SCNN1B: variants seen among roughly 807,000 people sequenced by gnomAD.
SCNN1B encodes sodium channel epithelial 1 subunit beta, also known as epithelial sodium channel subunit beta.
Under a neutral mutation model 65.3 loss-of-function variants are expected in SCNN1B, and 46 were observed. That is an observed-to-expected ratio of 0.70 (90% CI 0.56 to 0.90). The LOEUF (loss-of-function observed/expected upper bound fraction) is 0.90, where lower values mean the gene tolerates loss of function less well. SCNN1B is among the 40% of genes least tolerant of loss of function. The pLI, the probability that SCNN1B is intolerant of heterozygous loss-of-function variation, is 0.00. For synonymous variants in SCNN1B, 349 were observed against 330.6 expected (o/e 1.06, Z -0.60); for missense variants, 751 against 830.5 (o/e 0.90, Z 1.18).
Position 23,371,292 on chromosome 16 carries a change from C to G in SCNN1B, c.881-7C>G. Reference sequence around the variant, plus strand: ...TTCAGGCAGCCCTCACCCCACCCTCCCCACAGGCCTGAAGTTGATCCTGGA... The same window carrying G: ...TTCAGGCAGCCCTCACCCCACCCTCGCCACAGGCCTGAAGTTGATCCTGGA... On this transcript the variant is annotated splice_region_variant and splice_polypyrimidine_tract_variant and intron_variant, in intron 5 of 12. Transcript: ENST00000343070. The G allele has an allele frequency of 6.2e-7, 1 of 1,613,964 alleles. No individual in the cohort carries two copies. Among genetic ancestry groups the G allele is most frequent in the Non-Finnish European group, 8.5e-7 (1 of 1,179,990 alleles).
intron 1 of SCNN1B, among the ~76,000 whole-genome samples, chr16:23,320,024 G>A (rs1961555253): frequency 6.6e-6 from 1 of 152,190 alleles, no homozygotes; most frequent in Non-Finnish European, 1.5e-5. Flanking sequence ...TCAGATTACA[G>A]GCGTGAGCCA....
chr16:23,377,334 C>G lies in SCNN1B; in HGVS notation c.1352C>G (p.Thr451Ser), dbSNP rs1373404045. ...GGCCTGGCCTTCTCTTTCAGTGACA[C>G]CCAGTACAAGATGACCATCTCCATG... ...IGMCKESCND[T>S]QYKMTISMAD... The change falls in exon 10 of 13, where the codon ACC becomes AGC. Residue 451 changes from threonine to serine, a missense_variant. Thr to Ser is a moderately conservative substitution (Grantham distance 58, BLOSUM62 1). Transcript: ENST00000343070. 6.2e-7 allele frequency: 1 copy of G among 1,614,172 alleles called. No homozygotes were observed.
rs2142049956 is a variant in SCNN1B at position 23,380,213 on chromosome 16, G to A, written c.1542+44G>A. The A allele has an allele frequency of 1.3e-6, 2 of 1,558,336 alleles. No homozygotes were observed. Among genetic ancestry groups the A allele is most frequent in the Non-Finnish European group, 1.8e-6 (2 of 1,129,276 alleles). On this transcript the variant is annotated intron_variant, in intron 12 of 12. Transcript: ENST00000343070. This position sits in a 1 kb window ranked among gnomAD's most constrained non-coding sequence, Gnocchi z 5.4. ...CAATACCCCAGCCCTGCCCTGCCCT[G>A]ACCCCTGCACCCTGAGGGTGGGGGA...
At chr16:23,347,854 A>G (rs2142015541) in intron 1 of SCNN1B, among the ~76,000 whole-genome samples, 1 of 152,400 alleles carries the variant, frequency 6.6e-6, no homozygotes, top group African/African-American at 2.4e-5. Context: ...GATTGCAGTG[A>G]GCCATGACTG....
At chr16:23,362,750 C>T (rs948262192) in intron 4 of SCNN1B, among the ~76,000 whole-genome samples, 14 of 152,262 alleles carry the variant, frequency 9.2e-5, no homozygotes, top group Non-Finnish European at 1.5e-4. Context: ...CAGCCTCCTG[C>T]TCCTGGGCTG....
upstream of SCNN1B, among the ~76,000 whole-genome samples, chr16:23,297,877 T>A (rs1364543398): frequency 6.6e-6 from 1 of 152,144 alleles, no homozygotes; most frequent in Non-Finnish European, 1.5e-5. Flanking sequence ...TGCAGTTACC[T>A]GAAGTAGAAT....
rs767645694 is a variant in SCNN1B at position 23,371,337 on chromosome 16, G to A, written c.919G>A (p.Val307Ile). The A allele has an allele frequency of 3.1e-6, 5 of 1,614,012 alleles. No individual in the cohort carries two copies. Among genetic ancestry groups the A allele is most frequent in the Admixed American group, 1.7e-5 (1 of 59,998 alleles). Residue 307 changes from valine (V) to isoleucine (I), a missense_variant, in exon 6 of 13, where the codon GTC becomes ATC. Val to Ile is a conservative substitution (Grantham distance 29, BLOSUM62 3). Transcript: ENST00000343070. ...CCTGGACATAGGCCAGGAAGACTAC[G>A]TCCCCTTCCTTGCGTCCACGGCCGG... is the stretch of plus-strand genomic sequence containing the variant. Reference protein sequence around the residue: ...LILDIGQEDYVPFLASTAGVR... With the variant: ...LILDIGQEDYIPFLASTAGVR...
chr16:23,370,504 G>GTACGT (rs1016922931), intron 5 of SCNN1B, among the ~76,000 whole-genome samples: 7 of 152,282 alleles, frequency 4.6e-5, no homozygotes, highest in Non-Finnish European at 7.3e-5. Context: ...TCAACTCCAC[G>GTACGT]TAGCTCAGGA....
At chr16:23,319,888 C>T (rs553608440) in intron 1 of SCNN1B, among the ~76,000 whole-genome samples, 56 of 152,320 alleles carry the variant, frequency 3.7e-4, no homozygotes, top group Non-Finnish European at 6.5e-4. Context: ...CTGCCTCAGC[C>T]TTCTGAGTAG....
At chr16:23,328,137 A>G (rs924805290) in intron 1 of SCNN1B, among the ~76,000 whole-genome samples, 2 of 152,206 alleles carry the variant, frequency 1.3e-5, no homozygotes, top group African/African-American at 4.8e-5. Flanking sequence ...CAAGACAAGA[A>G]AGGATCTTTG....
At chr16:23,315,026 A>T (rs72774352) in intron 1 of SCNN1B, among the ~76,000 whole-genome samples, 30,006 of 152,206 alleles carry the variant, frequency 0.2, 3,346 homozygotes, top group Middle Eastern at 0.33. Context: ...AGCAGGAAAC[A>T]GAAGGGGCTA....
chr16:23,330,473 C>T (rs983043579), intron 1 of SCNN1B, among the ~76,000 whole-genome samples: 2 of 152,152 alleles, frequency 1.3e-5, no homozygotes, highest in African/African-American at 2.4e-5. Flanking sequence ...TTTCCCCCAG[C>T]GCCTTGCTTT....
intron 1 of SCNN1B, among the ~76,000 whole-genome samples, chr16:23,335,865 G>A (rs1428164496): frequency 6.6e-6 from 1 of 151,936 alleles, no homozygotes; most frequent in East Asian, 1.9e-4. Context: ...GCTCAAATAA[G>A]ACCTGTATCT....
intron 1 of SCNN1B, among the ~76,000 whole-genome samples, chr16:23,303,469 G>A (rs781561382): frequency 1.3e-5 from 2 of 152,222 alleles, no homozygotes; most frequent in Non-Finnish European, 2.9e-5. Flanking sequence ...GCAGAACACA[G>A]GGATCCATTC....
At chr16:23,349,088 C>T (rs555667137) in intron 2 of SCNN1B, among the ~76,000 whole-genome samples, 178 bp downstream of exon 2, 1 of 151,324 alleles carries the variant, frequency 6.6e-6, no homozygotes, top group South Asian at 2.1e-4. Context: ...CTTCTTCTTC[C>T]CTTTCTTTTT....
upstream of SCNN1B, among the ~76,000 whole-genome samples, chr16:23,299,036 T>C (rs538788447): frequency 1.3e-4 from 20 of 152,150 alleles, no homozygotes; most frequent in African/African-American, 3.6e-4. Flanking sequence ...TGTTCTTTTT[T>C]TTGCTTTTTG....
intron 2 of SCNN1B, among the ~76,000 whole-genome samples, chr16:23,292,455 C>T (rs936782603): frequency 3.9e-5 from 6 of 152,010 alleles, no homozygotes; most frequent in Admixed American, 3.9e-4. Flanking sequence ...CCTTGGCCTC[C>T]CGAAGTGCTG....
At chr16:23,310,290 CAAAAAAAAAAAAA>C (rs202228096) in intron 1 of SCNN1B, among the ~76,000 whole-genome samples, 1 of 93,004 alleles carries the variant, frequency 1.1e-5, no homozygotes, top group Non-Finnish European at 2.2e-5. Context: ...TCTGCATGAC[CAAAAAAAAAAAAA>C]AAAAAAAAAA....
At chr16:23,313,906 GC>G (rs1567293369) in intron 1 of SCNN1B, among the ~76,000 whole-genome samples, 1 of 152,232 alleles carries the variant, frequency 6.6e-6, no homozygotes, top group Non-Finnish European at 1.5e-5. Context: ...CATGCACCCG[GC>G]CAGCAGCATT....
Sources: allele counts gnomAD v4.1 joint callset (sites outside exome capture counted in the v4.1 genomes callset), GRCh38; gene constraint gnomAD v4.1.1; non-coding constraint Gnocchi (gnomAD v3.1); transcripts MANE v1.5; gene names NCBI Gene and HGNC (gene_info 2026-07-23, HGNC 2026-07-21).